The following SPAG16 variants were observed in gnomAD, a reference collection of about 807,000 sequenced individuals.
The protein encoded by SPAG16 is sperm-associated antigen 16 protein.
Under a neutral mutation model 80.4 loss-of-function variants are expected in SPAG16, and 86 were observed. The observed-to-expected ratio is 1.07, with a 90% confidence interval of 0.90 to 1.28. The LOEUF is 1.28. SPAG16 is among the 50% of genes most tolerant of loss of function. The pLI, the probability that SPAG16 is intolerant of heterozygous loss-of-function variation, is 0.00. For missense variants in SPAG16, 870 were observed against 765.3 expected (o/e 1.14, Z -1.61); for synonymous variants, 294 against 265.9 (o/e 1.11, Z -1.03).
At chr2:214,376,252 C>T (rs1700123723) in intron 15 of SPAG16, among the ~76,000 whole-genome samples, 1 of 152,006 alleles carries the variant, frequency 6.6e-6, no homozygotes, top group Non-Finnish European at 1.5e-5. Flanking sequence ...ATACCTGTCT[C>T]GTCTCAAATT....
intron 10 of SPAG16, among the ~76,000 whole-genome samples, chr2:213,627,452 C>G (rs2062000097): frequency 6.6e-6 from 1 of 152,204 alleles, no homozygotes; most frequent in Non-Finnish European, 1.5e-5. Flanking sequence ...GAAAAATACT[C>G]ACCATTTAAG....
intron 10 of SPAG16, among the ~76,000 whole-genome samples, chr2:213,715,668 A>G (rs994020127): frequency 2.0e-5 from 3 of 152,188 alleles, no homozygotes; most frequent in Non-Finnish European, 4.4e-5. Flanking sequence ...AATGCTAGCC[A>G]TCTTTTACTA....
At chr2:214,263,904 A>G (rs1483776552) in intron 15 of SPAG16, among the ~76,000 whole-genome samples, 2 of 152,206 alleles carry the variant, frequency 1.3e-5, no homozygotes, top group African/African-American at 2.4e-5. Flanking sequence ...ACATGCATGC[A>G]CTTGGGAATT....
rs150726387 is a variant in SPAG16 at position 214,054,321 on chromosome 2, G to A, written c.1527+40244G>A. ...CACTGTGCCCAGCCCTCACTTCCCC[G>A]TTTTAAAATTCTAAAACCCTATATC... On this transcript the variant is annotated intron_variant, in intron 13 of 15. Transcript: ENST00000331683. Among the ~76,000 whole-genome samples, 1,407 of 152,096 alleles carry A rather than the reference G, an allele frequency of 9.3e-3. 10 individuals are homozygous for A. The highest frequency in any genetic ancestry group is 0.016 in the Non-Finnish European group (1,115 of 67,980).
intron 10 of SPAG16, among the ~76,000 whole-genome samples, chr2:213,659,977 T>C (rs958896251): frequency 5.3e-5 from 8 of 152,260 alleles, no homozygotes; most frequent in African/African-American, 1.9e-4. Flanking sequence ...TTCTCTTTTC[T>C]TTCTTTTTTT....
At chr2:213,701,433 C>T (rs747042114) in intron 10 of SPAG16, among the ~76,000 whole-genome samples, 7 of 152,136 alleles carry the variant, frequency 4.6e-5, no homozygotes, top group Non-Finnish European at 7.3e-5. Flanking sequence ...GGCGCCTCCT[C>T]GGTCTCGGTG....
At chr2:213,895,171 T>C (rs1230605764) in intron 11 of SPAG16, among the ~76,000 whole-genome samples, 1 of 151,774 alleles carries the variant, frequency 6.6e-6, no homozygotes, top group Non-Finnish European at 1.5e-5. Context: ...CCATTAACAA[T>C]AGCTACAATA....
intron 15 of SPAG16, among the ~76,000 whole-genome samples, chr2:214,348,370 T>C (rs1471787513): frequency 6.6e-6 from 1 of 152,218 alleles, no homozygotes; most frequent in African/African-American, 2.4e-5. Context: ...TTTTTTGACA[T>C]GGCCATAAAT....
At chr2:213,528,674 T>C (rs1182383140) in intron 10 of SPAG16, among the ~76,000 whole-genome samples, 1 of 152,160 alleles carries the variant, frequency 6.6e-6, no homozygotes, top group African/African-American at 2.4e-5. Context: ...CTGTAATCCT[T>C]TCTTGTATCT....
At chr2:213,703,950 G>T (rs947841949) in intron 10 of SPAG16, among the ~76,000 whole-genome samples, 3 of 152,134 alleles carry the variant, frequency 2.0e-5, no homozygotes, top group African/African-American at 4.8e-5. Context: ...TCAGCTCAGC[G>T]TCTGTTTCTG....
intron 10 of SPAG16, among the ~76,000 whole-genome samples, chr2:213,812,942 A>G (rs1432385291): frequency 1.3e-5 from 2 of 152,186 alleles, no homozygotes; most frequent in Non-Finnish European, 2.9e-5. Context: ...TAGGATTTTT[A>G]AAAGATTAAG....
At chr2:213,869,279 A>ATATG (rs1553648792) in intron 11 of SPAG16, among the ~76,000 whole-genome samples, 1 of 61,430 alleles carries the variant, frequency 1.6e-5, no homozygotes, top group South Asian at 1.6e-3. Context: ...ATATATATAT[A>ATATG]TGTATATATA....
At chr2:213,514,601 G>T (rs868315472) in intron 10 of SPAG16, among the ~76,000 whole-genome samples, 57 of 146,112 alleles carry the variant, frequency 3.9e-4, no homozygotes, top group African/African-American at 1.4e-3. Flanking sequence ...ATATCTCCCA[G>T]TGCTATCCCT....
At chr2:213,339,839 A>T (rs2064579556) in intron 5 of SPAG16, among the ~76,000 whole-genome samples, 1 of 152,106 alleles carries the variant, frequency 6.6e-6, no homozygotes, top group African/African-American at 2.4e-5. Context: ...TCAATTTTCC[A>T]AGCCAAAAAG....
intron 9 of SPAG16, among the ~76,000 whole-genome samples, chr2:213,460,368 G>A (rs924948674): frequency 6.6e-6 from 1 of 152,200 alleles, no homozygotes; most frequent in Admixed American, 6.5e-5. Flanking sequence ...TAGAACAAGT[G>A]TAATGCCACT....
In SPAG16 at chr2:213,621,547, G is replaced by A. The variant is rs149914743; in HGVS notation, c.1070+131457G>A. ...TTGATGGATGAGACATTCAACAAAG[G>A]GTTGATAGAGGGAGATAGGAAAGGA... On this transcript the variant is annotated intron_variant, in intron 10 of 15. Transcript: ENST00000331683. Among the ~76,000 whole-genome samples the A allele has an allele frequency of 1.9e-3, 291 of 152,180 alleles. 1 individual carries two copies. Among genetic ancestry groups the A allele is most frequent in the African/African-American group, 6.2e-3 (259 of 41,544 alleles).
chr2:213,876,118 T>C (rs892413888), intron 11 of SPAG16, among the ~76,000 whole-genome samples: 1 of 152,074 alleles, frequency 6.6e-6, no homozygotes, highest in Non-Finnish European at 1.5e-5. Flanking sequence ...AGATTTGACA[T>C]TGCGTGAAAG....
intron 15 of SPAG16, among the ~76,000 whole-genome samples, chr2:214,195,282 C>T (rs1369356722): frequency 1.3e-5 from 1 of 74,098 alleles, no homozygotes; most frequent in Non-Finnish European, 2.8e-5. Context: ...TGAGTTCAAA[C>T]ACACACAGAT....
chr2:213,330,787 G>A (rs1054847749), intron 5 of SPAG16, among the ~76,000 whole-genome samples: 14 of 152,172 alleles, frequency 9.2e-5, no homozygotes, highest in Non-Finnish European at 1.3e-4. Flanking sequence ...CCCATGTGTT[G>A]TGGGAGGGAC....
Sources: allele counts gnomAD v4.1 joint callset (sites outside exome capture counted in the v4.1 genomes callset), GRCh38; gene constraint gnomAD v4.1.1; transcripts MANE v1.5; gene names NCBI Gene and HGNC (gene_info 2026-07-23, HGNC 2026-07-21).